Variants in TUBB4B observed in about 807,000 individuals in gnomAD.
The protein encoded by TUBB4B is tubulin beta 4B class IVb, also known as tubulin beta-4B chain.
Under a neutral mutation model 34.3 loss-of-function variants are expected in TUBB4B, and 7 were observed. That is an observed-to-expected ratio of 0.20 (90% CI 0.12 to 0.38). TUBB4B has a LOEUF of 0.38. Ranked by LOEUF, TUBB4B falls within the 10% of genes least tolerant of loss-of-function variation. The pLI is 1.00. For missense variants in TUBB4B, 178 were observed against 610.9 expected (o/e 0.29, Z 7.47); for synonymous variants, 390 against 250.2 (o/e 1.56, Z -5.27).
rs761550473 is a variant in TUBB4B at position 137,242,002 on chromosome 9, G to A, written c.258G>A (p.Arg86=). ...VRSGPFGQIF[R]PDNFVFGQSG... Reference sequence around the variant, plus strand: ...CGGGGCCCTTCGGGCAGATCTTCCGGCCGGACAACTTCGTTTTCGGTGAGC... The same window carrying A: ...CGGGGCCCTTCGGGCAGATCTTCCGACCGGACAACTTCGTTTTCGGTGAGC... Residue 86 remains arginine, a synonymous_variant, in exon 3 of 4, where the codon CGG becomes CGA. Transcript: ENST00000340384. The A allele has an allele frequency of 1.2e-6, 2 of 1,610,594 alleles. No homozygotes were observed. Among genetic ancestry groups the A allele is most frequent in the South Asian group, 2.2e-5 (2 of 91,006 alleles).
rs747976163 is a variant in TUBB4B at position 137,242,029 on chromosome 9, G to T, written c.277+8G>T. ...CGGACAACTTCGTTTTCGGTGAGCCGTGGCTGGGGACTGGGCGGCGGCTCA... is the reference window on the plus strand; with the variant it reads ...CGGACAACTTCGTTTTCGGTGAGCCTTGGCTGGGGACTGGGCGGCGGCTCA... On this transcript the variant is annotated splice_region_variant and intron_variant, in intron 3 of 3. Coordinates refer to ENST00000340384, the MANE Select transcript of TUBB4B (RefSeq NM_006088.6). 9 of 1,609,714 alleles carry T rather than the reference G, an allele frequency of 5.6e-6. No individual in the cohort carries two copies. Among genetic ancestry groups the T allele is most frequent in the African/African-American group, 1.3e-5 (1 of 74,854 alleles).
At position 137,242,794 on chromosome 9, in the gene TUBB4B, C is replaced by T. The variant is rs149090897; in HGVS notation, c.576C>T (p.Leu192=). 32 of 1,613,876 alleles carry T rather than the reference C, an allele frequency of 2.0e-5. No homozygotes were observed. The highest frequency in any genetic ancestry group is 1.2e-4 in the African/African-American group (9 of 75,036). Residue 192 remains leucine (L), a synonymous_variant, in exon 4 of 4, where the codon CTC becomes CTT. Coordinates refer to ENST00000340384, the MANE Select transcript of TUBB4B (RefSeq NM_006088.6). ...PYNATLSVHQ[L]VENTDETYCI... is the part of the protein sequence containing the mutation. ...ACGCCACCCTCTCAGTCCACCAGCT[C>T]GTAGAAAACACAGACGAGACCTACT...
Position 137,241,497 on chromosome 9 carries a change from G to T in TUBB4B, c.57+80G>T, listed in dbSNP as rs529607421. ...GGCCGGGGAAGATGGCGGCAGCAGC[G>T]GCCGGGCGGCGCCCCCGCATTGCGG... On this transcript the variant is annotated intron_variant, in intron 1 of 3. Transcript: ENST00000340384. The T allele has an allele frequency of 4.8e-4, 558 of 1,167,880 alleles. 2 individuals are homozygous for T. In the African/African-American group the frequency reaches 8.1e-3, roughly 17 times the overall value. The allele number at this position is 1,167,880 out of a possible 1,614,324, so 72.3% of individuals were successfully genotyped here.
rs759582181 is a variant in TUBB4B at position 137,241,982 on chromosome 9, C to T, written c.238C>T (p.Pro80Ser). ...CACCATGGACTCCGTGCGCTCGGGG[C>T]CCTTCGGGCAGATCTTCCGGCCGGA... ...PGTMDSVRSG[P>S]FGQIFRPDNF... The change falls in exon 3 of 4, where the codon CCC becomes TCC. Residue 80 changes from proline (P) to serine (S), a missense_variant. By Grantham distance (74) the Pro-to-Ser change is moderately conservative. Transcript: ENST00000340384. 1 of 1,611,000 alleles carries T rather than the reference C, an allele frequency of 6.2e-7. No individual in the cohort carries two copies. Among genetic ancestry groups the T allele is most frequent in the Non-Finnish European group, 8.5e-7 (1 of 1,179,748 alleles).
At chr9:137,242,317 C>T (rs1836769312) in intron 3 of TUBB4B, 179 bp from the exon 4 acceptor site, 7 of 794,022 alleles carry the variant, frequency 8.8e-6, no homozygotes, top group Non-Finnish European at 1.2e-5. Context: ...AGGTTTGGCC[C>T]CTGACTTAAT....
intron 2 of TUBB4B, 32 bp downstream of exon 2, chr9:137,241,861 C>T (rs1378192043): frequency 1.2e-6 from 2 of 1,611,572 alleles, no homozygotes; most frequent in East Asian, 2.2e-5. Flanking sequence ...CGACCGCCCT[C>T]CGGGGACCCC....
At chr9:137,242,308 G>A (rs1836768963) in intron 3 of TUBB4B, 188 bp from the exon 4 acceptor site, 2 of 754,132 alleles carry the variant, frequency 2.7e-6, no homozygotes, top group Non-Finnish European at 4.2e-6. Flanking sequence ...TAAGCTGTCA[G>A]GTTTGGCCCC....
At chr9:137,241,552 C>A in intron 1 of TUBB4B, 135 bp downstream of exon 1, 1 of 898,046 alleles carries the variant, frequency 1.1e-6, no homozygotes, top group Non-Finnish European at 1.4e-6. Flanking sequence ...GGGAATTGGC[C>A]GAGCCGGGCG....
chr9:137,242,145 C>T lies in TUBB4B; in HGVS notation c.277+124C>T, dbSNP rs1014391938. On this transcript the variant is annotated intron_variant, in intron 3 of 3. Coordinates refer to ENST00000340384, the MANE Select transcript of TUBB4B (RefSeq NM_006088.6). ...TCCTCTTCTCTGAGCCACTCAATCC[C>T]CTCTACTAAATCGGCTTTGGGAGCA... 1.6e-4 allele frequency: 162 copies of T among 995,386 alleles called. 1 individual carries two copies. In the East Asian group the frequency reaches 2.2e-3, roughly 14 times the overall value. The allele number at this position is 995,386 out of a possible 1,614,324, so 61.7% of individuals were successfully genotyped here. A position where few individuals can be genotyped will look rare whatever the true frequency, so the allele number is the denominator to read the frequency against.
rs1836736170 is a variant in TUBB4B, at chr9:137,241,353, C to CCAT, written c.-7_-6insATC. On this transcript the variant is annotated 5_prime_UTR_variant, in exon 1 of 4. Coordinates refer to ENST00000340384, the MANE Select transcript of TUBB4B (RefSeq NM_006088.6). ...TCCTCCTGCTTCCCCGCCGCCGCCGCCGCCATCATGAGGGAAATCGTGCAC... is the reference window on the plus strand; with the variant it reads ...TCCTCCTGCTTCCCCGCCGCCGCCGCCATCGCCATCATGAGGGAAATCGTGCAC... 6.2e-7 allele frequency: 1 copy of CCAT among 1,600,666 alleles called. No homozygotes were observed. The highest frequency in any genetic ancestry group is 8.5e-7 in the Non-Finnish European group (1 of 1,177,454).
At chr9:137,242,044 G>T in intron 3 of TUBB4B, 23 bp downstream of exon 3, 1 of 1,607,138 alleles carries the variant, frequency 6.2e-7, no homozygotes, top group Non-Finnish European at 8.5e-7. Flanking sequence ...TGGGGACTGG[G>T]CGGCGGCTCA....
In TUBB4B at chr9:137,242,524, C is replaced by T. The variant is rs758979592; in HGVS notation, c.306C>T (p.Ala102=). The change falls in exon 4 of 4, where the codon GCC becomes GCT. Residue 102 remains alanine (A), a synonymous_variant. Transcript: ENST00000340384. ...AGAGTGGTGCTGGGAACAACTGGGC[C>T]AAGGGGCACTACACAGAAGGCGCGG... The part of the protein sequence containing the change: ...FGQSGAGNNW[A]KGHYTEGAEL... The T allele has an allele frequency of 3.7e-6, 6 of 1,613,610 alleles. No individual in the cohort carries two copies. The highest frequency in any genetic ancestry group is 2.2e-5 in the East Asian group (1 of 44,894).
In TUBB4B at chr9:137,242,564, GTGC is replaced by G; in HGVS notation, c.349_351del (p.Leu117del). 6.2e-7 allele frequency: 1 copy of G among 1,614,018 alleles called. No individual in the cohort carries two copies. Among genetic ancestry groups the G allele is most frequent in the Non-Finnish European group, 8.5e-7 (1 of 1,180,028 alleles). On this transcript the variant is annotated inframe_deletion, in exon 4 of 4. Transcript: ENST00000340384. ...AGAAGGCGCGGAGCTGGTGGACTCG[GTGC>G]TGGATGTTGTGAGAAAGGAGGCTGA...
At position 137,243,558 on chromosome 9, in the gene TUBB4B, G is replaced by T. The variant is rs1836802770; in HGVS notation, c.*2G>T. 1 of 1,613,758 alleles carries T rather than the reference G, an allele frequency of 6.2e-7. No homozygotes were observed. Among genetic ancestry groups the T allele is most frequent in the Non-Finnish European group, 8.5e-7 (1 of 1,179,788 alleles). On this transcript the variant is annotated 3_prime_UTR_variant, in exon 4 of 4. Coordinates refer to ENST00000340384, the MANE Select transcript of TUBB4B (RefSeq NM_006088.6). ...GAGGCTGAGGAGGAGGTGGCCTAGA[G>T]CCTTCAGTCACTGGGGAAAGCAGGG...
chr9:137,242,402 C>T lies in TUBB4B; in HGVS notation c.278-94C>T, dbSNP rs542581182. On this transcript the variant is annotated intron_variant, in intron 3 of 3. Coordinates refer to ENST00000340384, the MANE Select transcript of TUBB4B (RefSeq NM_006088.6). ...CTACCTCCAGGGTGAATTCTGTGGT[C>T]AGCTCACACCATGTCACTCGGCTTT... The T allele has an allele frequency of 1.5e-5, 21 of 1,440,630 alleles. 1 individual carries two copies. The highest frequency in any genetic ancestry group is 1.3e-4 in the South Asian group (10 of 76,526). 89.2% of individuals were successfully genotyped at this position (1,440,630 alleles called of 1,614,324 possible).
At position 137,242,005 on chromosome 9, in the gene TUBB4B, G is replaced by T. The variant is rs1836756300; in HGVS notation, c.261G>T (p.Pro87=). ...GGCCCTTCGGGCAGATCTTCCGGCCGGACAACTTCGTTTTCGGTGAGCCGT... is the reference window on the plus strand; with the variant it reads ...GGCCCTTCGGGCAGATCTTCCGGCCTGACAACTTCGTTTTCGGTGAGCCGT... ...RSGPFGQIFR[P]DNFVFGQSGA... is the part of the protein sequence containing the mutation. The change falls in exon 3 of 4, where the codon CCG becomes CCT. Residue 87 remains proline, a synonymous_variant. Coordinates refer to ENST00000340384, the MANE Select transcript of TUBB4B (RefSeq NM_006088.6). 2 of 1,610,628 alleles carry T rather than the reference G, an allele frequency of 1.2e-6. No homozygotes were observed. The highest frequency in any genetic ancestry group is 2.7e-5 in the African/African-American group (2 of 74,986).
chr9:137,241,694 G>GC, intron 1 of TUBB4B, 27 bp from the exon 2 acceptor site: 1 of 1,588,676 alleles, frequency 6.3e-7, no homozygotes, highest in South Asian at 1.1e-5. Context: ...GCCCCGGCCC[G>GC]CCCGGGCCCG....
Position 137,242,040 on chromosome 9 carries a change from C to G in TUBB4B, c.277+19C>G. 2 of 1,608,008 alleles carry G rather than the reference C, an allele frequency of 1.2e-6. No homozygotes were observed. The highest frequency in any genetic ancestry group is 1.7e-6 in the Non-Finnish European group (2 of 1,178,420). The stretch of plus-strand genomic sequence containing the variant: ...GTTTTCGGTGAGCCGTGGCTGGGGA[C>G]TGGGCGGCGGCTCAAAGGTCAAGGG... On this transcript the variant is annotated intron_variant, in intron 3 of 3. Coordinates refer to ENST00000340384, the MANE Select transcript of TUBB4B (RefSeq NM_006088.6).
chr9:137,243,594 AACTC>A lies in TUBB4B; in HGVS notation c.*39_*42del, dbSNP rs1836804374. 2.5e-6 allele frequency: 4 copies of A among 1,613,396 alleles called. No individual in the cohort carries two copies. The highest frequency in any genetic ancestry group is 3.4e-6 in the Non-Finnish European group (4 of 1,179,510). ...CTGGGGAAAGCAGGGAAGCAGTGTG[AACTC>A]TTTATTCACTCCCAGCCTGTCCTGT... On this transcript the variant is annotated 3_prime_UTR_variant, in exon 4 of 4. Transcript: ENST00000340384.
Sources: allele counts gnomAD v4.1 joint callset, GRCh38; gene constraint gnomAD v4.1.1; transcripts MANE v1.5; gene names NCBI Gene and HGNC (gene_info 2026-07-23, HGNC 2026-07-21).